Variants in TAFAZZIN observed in about 807,000 individuals in gnomAD.
TAFAZZIN encodes the protein tafazzin, phospholipid-lysophospholipid transacylase.
A neutral mutation model predicts 27.3 loss-of-function variants in TAFAZZIN; 6 were observed. The ratio of observed to expected loss-of-function variants is 0.22; its 90% CI spans 0.12 to 0.43. TAFAZZIN has a LOEUF of 0.43. Ranked by LOEUF, TAFAZZIN falls within the 20% of genes least tolerant of loss-of-function variation. The probability of loss-of-function intolerance (pLI) is 1.00; values close to 1 mark genes in which losing one functional copy is unlikely to be tolerated. For missense variants in TAFAZZIN, 127 were observed against 244.5 expected (o/e 0.52, Z 3.21); for synonymous variants, 79 against 96.2 (o/e 0.82, Z 1.04).
chrX:154,419,375 G>T, intron 5 of TAFAZZIN, 168 bp from the exon 6 acceptor site: 2 of 520,260 alleles, frequency 3.8e-6, no homozygotes, highest in Non-Finnish European at 6.5e-6. Flanking sequence ...TCCCTAATCT[G>T]CTGGGGCTTT....
chrX:154,414,292 A>G, intron 5 of TAFAZZIN, 102 bp downstream of exon 5: 2 of 601,206 alleles, frequency 3.3e-6, no homozygotes, highest in South Asian at 4.9e-5. Context: ...CCTGGGCAAC[A>G]TAGTAAGACC....
intron 7 of TAFAZZIN, 65 bp from the exon 8 acceptor site, chrX:154,419,967 G>GGCTGGCACAGAA (rs2068581944): frequency 8.4e-7 from 1 of 1,186,610 alleles, no homozygotes; most frequent in Non-Finnish European, 1.1e-6. Context: ...AGTGGCCAGA[G>GGCTGGCACAGAA]GCTGGCACAG....
chrX:154,421,473 C>A lies in TAFAZZIN; in HGVS notation c.*469C>A. On this transcript the variant is annotated 3_prime_UTR_variant, in exon 11 of 11. Transcript: ENST00000601016. ...TCTTCCTTCTGCCTGAGCTTCCCCC[C>A]CACCACAGGCCCTTTCCTCAGGCAA... 2 of 332,263 alleles carry A rather than the reference C, an allele frequency of 6.0e-6. No homozygotes were observed. Among genetic ancestry groups the A allele is most frequent in the Non-Finnish European group, 1.2e-5 (2 of 171,436 alleles). The allele number at this position is 332,263 out of a possible 1,213,427, so 27.4% of individuals were successfully genotyped here. A position where few individuals can be genotyped will look rare whatever the true frequency, so the allele number is the denominator to read the frequency against.
At chrX:154,416,759 TTG>T (rs2068501231) in intron 5 of TAFAZZIN, among the ~76,000 whole-genome samples, 1 of 111,024 alleles carries the variant, frequency 9.0e-6, no homozygotes, top group African/African-American at 3.3e-5. Flanking sequence ...CCTGTTTTGC[TTG>T]TGCTGCATCT....
At chrX:154,420,836 C>T in intron 10 of TAFAZZIN, 67 bp from the exon 11 acceptor site, 3 of 1,182,534 alleles carry the variant, frequency 2.5e-6, no homozygotes, top group Non-Finnish European at 3.4e-6. Flanking sequence ...CCTCCCAGGG[C>T]ACCCTCCCAG....
rs35902788 is a variant in TAFAZZIN at position 154,420,998 on chromosome X, G to A, written c.873G>A (p.Gly291=). The change falls in exon 11 of 11, where the codon GGG becomes GGA. Residue 291 remains glycine (G), a synonymous_variant. Transcript: ENST00000601016. The part of the protein sequence containing the change: ...AEQLHNHLQP[G]R ...AGCTCCACAACCACCTCCAGCCTGGGAGATAGGCCTTGCTTGCTGCCTTCT... is the reference window on the plus strand; with the variant it reads ...AGCTCCACAACCACCTCCAGCCTGGAAGATAGGCCTTGCTTGCTGCCTTCT... 4.5e-3 allele frequency: 5,425 copies of A among 1,207,772 alleles called. 10 individuals carry two copies. The highest frequency in any genetic ancestry group is 5.4e-3 in the Non-Finnish European group (4,851 of 892,871).
chrX:154,411,787 A>T lies in TAFAZZIN; in HGVS notation c.-57A>T, dbSNP rs2068303164. ...CGAGCGGTCGAGGTCGCAGACCTAGAGGCGCCCCACAGGCCGGCCCGGGGC... is the reference window on the plus strand; with the variant it reads ...CGAGCGGTCGAGGTCGCAGACCTAGTGGCGCCCCACAGGCCGGCCCGGGGC... On this transcript the variant is annotated 5_prime_UTR_variant, in exon 1 of 11. Transcript: ENST00000601016. 3.7e-6 allele frequency: 4 copies of T among 1,072,838 alleles called. No individual in the cohort carries two copies. In the East Asian group the frequency reaches 1.3e-4, roughly 35 times the overall value. The allele number at this position is 1,072,838 out of a possible 1,213,427, so 88.4% of individuals were successfully genotyped here.
rs782759146 is a variant in TAFAZZIN, at chrX:154,419,527, G to C, written c.461-16G>C. The C allele has an allele frequency of 3.3e-6, 4 of 1,207,098 alleles. No individual in the cohort carries two copies. In the Admixed American group the frequency reaches 8.7e-5, roughly 26 times the overall value. On this transcript the variant is annotated splice_polypyrimidine_tract_variant and intron_variant, in intron 5 of 10. Transcript: ENST00000601016. ...CCGAGAATGGTTACTGATAGGGAGA[G>C]GCCTTTTCCTTGCAGGAGATGGCGT...
Position 154,421,369 on chromosome X carries a change from C to A in TAFAZZIN, c.*365C>A. 1 of 368,371 alleles carries A rather than the reference C, an allele frequency of 2.7e-6. No homozygotes were observed. The highest frequency in any genetic ancestry group is 2.6e-5 in the South Asian group (1 of 38,828). The allele number at this position is 368,371 out of a possible 1,213,427, so 30.4% of individuals were successfully genotyped here. On this transcript the variant is annotated 3_prime_UTR_variant, in exon 11 of 11. Transcript: ENST00000601016. ...GCTGTGGAGAGGGGACCCTAAGACT[C>A]CTCGGCCTGGCTCCTACCCACCGCC...
In TAFAZZIN at chrX:154,419,147, C is replaced by T. The variant is rs187098649; in HGVS notation, c.461-396C>T. 2.4e-4 allele frequency: 59 copies of T among 245,102 alleles called. 1 individual carries two copies. Among genetic ancestry groups the T allele is most frequent in the African/African-American group, 1.2e-3 (42 of 34,971 alleles). 20.2% of individuals were successfully genotyped at this position (245,102 alleles called of 1,213,427 possible). On this transcript the variant is annotated intron_variant, in intron 5 of 10. Transcript: ENST00000601016. ...AGTGTGCAGGAGTATGTGGCTGAAG[C>T]GGCCCAGCTGGTGAGCCACTGAAGA... is the stretch of plus-strand genomic sequence containing the variant.
chrX:154,420,176 C>T (rs371287944), intron 8 of TAFAZZIN, 36 bp from the exon 9 acceptor site: 320 of 1,209,391 alleles, frequency 2.6e-4, no homozygotes, highest in Non-Finnish European at 3.4e-4. Flanking sequence ...TGCCCTGCTC[C>T]ACCCCACGTC....
chrX:154,421,156 C>T lies in TAFAZZIN; in HGVS notation c.*152C>T, dbSNP rs1443581671. Reference sequence around the variant, plus strand: ...GAGCTGGTAGGCATTCCAGCTCCTCCGTGCTTCCTCAGTTACACAAAGGAC... The same window carrying T: ...GAGCTGGTAGGCATTCCAGCTCCTCTGTGCTTCCTCAGTTACACAAAGGAC... On this transcript the variant is annotated 3_prime_UTR_variant, in exon 11 of 11. Coordinates refer to ENST00000601016, the MANE Select transcript of TAFAZZIN (RefSeq NM_000116.5). 2.2e-5 allele frequency: 12 copies of T among 540,234 alleles called. No individual in the cohort carries two copies. The highest frequency in any genetic ancestry group is 4.9e-5 in the South Asian group (2 of 40,517). The allele number at this position is 540,234 out of a possible 1,213,427, so 44.5% of individuals were successfully genotyped here. A position where few individuals can be genotyped will look rare whatever the true frequency, so the allele number is the denominator to read the frequency against.
At chrX:154,415,436 ATAGATAGATAGG>A (rs1220832676) in intron 5 of TAFAZZIN, among the ~76,000 whole-genome samples, 1 of 111,128 alleles carries the variant, frequency 9.0e-6, no homozygotes, top group Non-Finnish European at 1.9e-5. Flanking sequence ...GACCCCAGGT[ATAGATAGATAGG>A]TAGATAGATA....
At chrX:154,420,851 C>T in intron 10 of TAFAZZIN, 52 bp from the exon 11 acceptor site, 2 of 1,193,973 alleles carry the variant, frequency 1.7e-6, no homozygotes, top group Non-Finnish European at 2.3e-6. Flanking sequence ...TCCCAGGGCA[C>T]CTTGGCCAAG....
intron 2 of TAFAZZIN, 26 bp downstream of exon 2, chrX:154,412,240 G>C (rs1473713271): frequency 2.5e-6 from 3 of 1,185,916 alleles, no homozygotes; most frequent in Non-Finnish European, 3.4e-6. Context: ...TGCTGGGCAG[G>C]GGGAGGAAAG....
intron 4 of TAFAZZIN, 41 bp from the exon 5 acceptor site, chrX:154,414,060 C>T: frequency 1.0e-6 from 1 of 980,433 alleles, no homozygotes; most frequent in Non-Finnish European, 1.5e-6. Flanking sequence ...TAGGAGGTGG[C>T]AAAGCCAGGA....
chrX:154,421,233 G>T lies in TAFAZZIN; in HGVS notation c.*229G>T. On this transcript the variant is annotated 3_prime_UTR_variant, in exon 11 of 11. Coordinates refer to ENST00000601016, the MANE Select transcript of TAFAZZIN (RefSeq NM_000116.5). Reference sequence around the variant, plus strand: ...GCAGGGAGGAAGAAGCTTAGGCAGGGCTCTCTTTCCTTCTTGCCTTCAGAT... The same window carrying T: ...GCAGGGAGGAAGAAGCTTAGGCAGGTCTCTCTTTCCTTCTTGCCTTCAGAT... 1 of 494,836 alleles carries T rather than the reference G, an allele frequency of 2.0e-6. No individual in the cohort carries two copies. Among genetic ancestry groups the T allele is most frequent in the Non-Finnish European group, 3.6e-6 (1 of 274,932 alleles). The allele number at this position is 494,836 out of a possible 1,213,427, so 40.8% of individuals were successfully genotyped here. A position where few individuals can be genotyped will look rare whatever the true frequency, so the allele number is the denominator to read the frequency against.
rs782736477 is a variant in TAFAZZIN at position 154,420,416 on chromosome X, C to T, written c.699+152C>T. 2.5e-5 allele frequency: 20 copies of T among 797,781 alleles called. No homozygotes were observed. The African/African-American group carries it at 3.3e-4, about 13-fold the overall frequency. 65.7% of individuals were successfully genotyped at this position (797,781 alleles called of 1,213,427 possible). A position where few individuals can be genotyped will look rare whatever the true frequency, so the allele number is the denominator to read the frequency against. On this transcript the variant is annotated intron_variant, in intron 9 of 10. Transcript: ENST00000601016. ...AACATAGACAGGGACTTCCTGGCAC[C>T]GAGACATTAAAATGAGAGCAGAGGA...
At chrX:154,412,031 G>A (rs1188419016) in intron 1 of TAFAZZIN, 55 bp from the exon 2 acceptor site, 1 of 1,205,019 alleles carries the variant, frequency 8.3e-7, no homozygotes, top group Non-Finnish European at 1.1e-6. Context: ...GGGGGACGCC[G>A]CGGCCCCGAC....
Sources: allele counts gnomAD v4.1 joint callset (sites outside exome capture counted in the v4.1 genomes callset), GRCh38; gene constraint gnomAD v4.1.1; transcripts MANE v1.5; gene names NCBI Gene and HGNC (gene_info 2026-07-23, HGNC 2026-07-21).